The following ARHGAP10 variants were observed in gnomAD, a reference collection of about 807,000 sequenced individuals.
ARHGAP10 encodes rho GTPase-activating protein 10.
In ARHGAP10, 87 loss-of-function variants were observed where a neutral mutation model predicts 108.6. The observed-to-expected ratio is 0.80, with a 90% confidence interval of 0.67 to 0.96. The LOEUF is 0.96. Ranked by LOEUF, ARHGAP10 falls within the 40% of genes least tolerant of loss-of-function variation. ARHGAP10 has a pLI of 0.00. For synonymous variants in ARHGAP10, 347 were observed against 341.1 expected, an observed-to-expected ratio of 1.02 and a Z score of -0.19; for missense variants, 939 against 954.5, an observed-to-expected ratio of 0.98 and a Z score of 0.21.
At position 147,864,876 on chromosome 4, in the gene ARHGAP10, C is replaced by T. The variant is rs1734487232; in HGVS notation, c.517C>T (p.His173Tyr). The change falls in exon 6 of 23, where the codon CAC (histidine) becomes TAC (tyrosine). Residue 173 changes from histidine to tyrosine, a missense_variant. Coordinates refer to ENST00000336498, the MANE Select transcript of ARHGAP10 (RefSeq NM_024605.4). ...TATCCAAGTAGAGCAGAACCGGCAA[C>T]ACTTCTATGAACTGTCTCTCGAGTA... ...ADIQVEQNRQ[H>Y]FYELSLEYVC... The T allele has an allele frequency of 1.2e-6, 2 of 1,613,872 alleles. No individual in the cohort carries two copies. The highest frequency in any genetic ancestry group is 8.5e-7 in the Non-Finnish European group (1 of 1,179,970).
At chr4:147,875,177 G>C (rs763589122) in intron 8 of ARHGAP10, 27 bp downstream of exon 8, 3 of 1,535,000 alleles carry the variant, frequency 2.0e-6, no homozygotes, top group East Asian at 4.7e-5. Context: ...CAGTGGCTGC[G>C]TGGCTGCTTA....
intron 20 of ARHGAP10, 120 bp from the exon 21 acceptor site, chr4:148,063,028 C>G: frequency 8.0e-7 from 1 of 1,249,646 alleles, no homozygotes; most frequent in East Asian, 2.3e-5. Context: ...GGACTCTGTC[C>G]CTACTGGTCA....
At chr4:147,808,684 C>G (rs1731885105) in intron 1 of ARHGAP10, among the ~76,000 whole-genome samples, 1 of 152,048 alleles carries the variant, frequency 6.6e-6, no homozygotes. Context: ...AGGAATCAAG[C>G]ATGATTTGTC....
At chr4:147,873,888 A>T (rs7697567) in intron 7 of ARHGAP10, among the ~76,000 whole-genome samples, 2,303 of 148,396 alleles carry the variant, frequency 0.016, 32 homozygotes, top group Non-Finnish European at 0.023. Context: ...AAAAAAAAAA[A>T]AGGGGGGATA....
At chr4:148,006,808 A>G (rs907663747) in intron 18 of ARHGAP10, among the ~76,000 whole-genome samples, 9 of 152,184 alleles carry the variant, frequency 5.9e-5, no homozygotes, top group Non-Finnish European at 8.8e-5. Context: ...CCCTCTCTTC[A>G]TATTGTCTCA....
rs1239052351 is a variant in ARHGAP10, at chr4:148,035,956, A to G, written c.1868-10936A>G. On this transcript the variant is annotated intron_variant, in intron 19 of 22. Coordinates refer to ENST00000336498, the MANE Select transcript of ARHGAP10 (RefSeq NM_024605.4). The stretch of plus-strand genomic sequence containing the variant: ...AGGGTAGAGTTGATTTTCTTTTTTA[A>G]AAAAGATATCTCTAGGTTCACAGTT... Among the ~76,000 whole-genome samples the G allele has an allele frequency of 2.0e-5, 3 of 152,248 alleles. No individual in the cohort carries two copies. In the East Asian group the frequency reaches 5.8e-4, roughly 29 times the overall value.
intron 1 of ARHGAP10, among the ~76,000 whole-genome samples, chr4:147,784,288 A>T (rs1334372125): frequency 8.4e-6 from 1 of 119,346 alleles, no homozygotes; most frequent in Non-Finnish European, 1.6e-5. Context: ...ACATTAAATT[A>T]TATAATTTAC....
At chr4:147,745,685 G>T (rs1205980686) in intron 1 of ARHGAP10, among the ~76,000 whole-genome samples, 1 of 151,920 alleles carries the variant, frequency 6.6e-6, no homozygotes, top group Non-Finnish European at 1.5e-5. Context: ...TAGAGACGGG[G>T]TTTCACCGTG....
chr4:147,908,466 G>A (rs982935446), intron 11 of ARHGAP10, among the ~76,000 whole-genome samples: 1 of 152,148 alleles, frequency 6.6e-6, no homozygotes, highest in Non-Finnish European at 1.5e-5. Flanking sequence ...CAGGAGCCAA[G>A]TGATTAGTTC....
chr4:148,035,066 G>A (rs1728313596), intron 19 of ARHGAP10, among the ~76,000 whole-genome samples: 1 of 152,168 alleles, frequency 6.6e-6, no homozygotes, highest in South Asian at 2.1e-4. Flanking sequence ...AGGTAGAGGT[G>A]GTTCCTGGAG....
intron 18 of ARHGAP10, among the ~76,000 whole-genome samples, chr4:147,993,415 T>C (rs1265628386): frequency 1.3e-5 from 2 of 152,386 alleles, no homozygotes; most frequent in East Asian, 1.9e-4. Flanking sequence ...AAATTATTCA[T>C]AACAATAGTT....
intron 13 of ARHGAP10, among the ~76,000 whole-genome samples, chr4:147,937,017 T>A (rs1393350079): frequency 6.6e-6 from 1 of 152,198 alleles, no homozygotes; most frequent in Non-Finnish European, 1.5e-5. Flanking sequence ...TTTGTACTCC[T>A]TATGAGAATC....
At chr4:147,863,602 G>A (rs1421506361) in intron 5 of ARHGAP10, 1 of 152,158 alleles carries the variant, frequency 6.6e-6, no homozygotes, top group Non-Finnish European at 1.5e-5. Context: ...TATATGCCCA[G>A]CTGTAGAATT....
intron 9 of ARHGAP10, among the ~76,000 whole-genome samples, chr4:147,880,962 C>T (rs912118217): frequency 2.0e-5 from 3 of 152,190 alleles, no homozygotes; most frequent in African/African-American, 4.8e-5. Context: ...TAAAACTGTA[C>T]TGTTAATCTA....
Position 147,732,331 on chromosome 4 carries a change from CTGCTACCTCGACAGCCCG to C in ARHGAP10, c.33_50del (p.Cys11_Pro16del). 1 of 1,613,116 alleles carries C rather than the reference CTGCTACCTCGACAGCCCG, an allele frequency of 6.2e-7. No individual in the cohort carries two copies. The highest frequency in any genetic ancestry group is 8.5e-7 in the Non-Finnish European group (1 of 1,179,514). On this transcript the variant is annotated inframe_deletion, in exon 1 of 23. Coordinates refer to ENST00000336498, the MANE Select transcript of ARHGAP10 (RefSeq NM_024605.4). Reference sequence around the variant, plus strand: ...GGCTGCAGCCCCTGGAGTTCAGCGACTGCTACCTCGACAGCCCGTGGTTCCGGGAGAGGATCCGCGCTC... The same window carrying C: ...GGCTGCAGCCCCTGGAGTTCAGCGACTGGTTCCGGGAGAGGATCCGCGCTC...
intron 18 of ARHGAP10, among the ~76,000 whole-genome samples, chr4:147,983,130 C>T (rs966242502): frequency 2.0e-5 from 3 of 151,574 alleles, no homozygotes; most frequent in Non-Finnish European, 4.4e-5. Flanking sequence ...GATCCACCCG[C>T]CTTGGCCTCC....
intron 18 of ARHGAP10, among the ~76,000 whole-genome samples, chr4:148,010,525 G>GTA (rs929654600): frequency 6.6e-6 from 1 of 152,032 alleles, no homozygotes; most frequent in African/African-American, 2.4e-5. Context: ...AATAAACATT[G>GTA]TATACCCTTT....
In ARHGAP10 at chr4:147,787,590, A is replaced by G. The variant is rs546808220; in HGVS notation, c.155-35137A>G. Among the ~76,000 whole-genome samples the G allele has an allele frequency of 2.6e-5, 4 of 152,320 alleles. No individual in the cohort carries two copies. In the South Asian group the frequency reaches 6.2e-4, roughly 24 times the overall value. On this transcript the variant is annotated intron_variant, in intron 1 of 22. Transcript: ENST00000336498. ...TAATCTGGCAGCAGTTTGTTGAGTC[A>G]GATGGGATTAGAATGAGAAAAACCT...
chr4:147,812,786 G>A (rs1259235358), intron 1 of ARHGAP10, among the ~76,000 whole-genome samples: 1 of 152,106 alleles, frequency 6.6e-6, no homozygotes, highest in East Asian at 1.9e-4. Context: ...CCAAAGCCTG[G>A]CTTTACCATT....
Sources: allele counts gnomAD v4.1 joint callset (sites outside exome capture counted in the v4.1 genomes callset), GRCh38; gene constraint gnomAD v4.1.1; transcripts MANE v1.5; gene names NCBI Gene and HGNC (gene_info 2026-07-23, HGNC 2026-07-21).